Variants in SPOCK3 observed in about 807,000 individuals in gnomAD.
SPOCK3 encodes the protein testican-3.
A neutral mutation model predicts 56.6 loss-of-function variants in SPOCK3; 30 were observed. The ratio of observed to expected loss-of-function variants is 0.53; its 90% CI spans 0.40 to 0.72. SPOCK3 has a LOEUF of 0.72. Ranked by LOEUF, SPOCK3 falls within the 30% of genes least tolerant of loss-of-function variation. SPOCK3 has a pLI of 0.00. For synonymous variants in SPOCK3, 196 were observed against 183.3 expected (o/e 1.07, Z -0.56); for missense variants, 527 against 530.0 (o/e 0.99, Z 0.06).
At position 166,934,616 on chromosome 4, in the gene SPOCK3, A is replaced by G. The variant is rs565306283; in HGVS notation, c.351-21873T>C. ...TGATCTATATATGTGTTTACTTATAATAATCTATGTGATCTCTATATATGT... is the reference window on the plus strand; with the variant it reads ...TGATCTATATATGTGTTTACTTATAGTAATCTATGTGATCTCTATATATGT... On this transcript the variant is annotated intron_variant, in intron 4 of 10. Coordinates refer to ENST00000357545, the MANE Select transcript of SPOCK3 (RefSeq NM_001040159.2). Among the ~76,000 whole-genome samples the G allele has an allele frequency of 1.2e-3, 188 of 152,308 alleles. 2 individuals are homozygous for G. The highest frequency in any genetic ancestry group is 8.8e-4 in the Non-Finnish European group (60 of 68,026).
chr4:167,137,169 G>T (rs1317331983), intron 2 of SPOCK3, among the ~76,000 whole-genome samples: 1 of 151,918 alleles, frequency 6.6e-6, no homozygotes, highest in Non-Finnish European at 1.5e-5. Flanking sequence ...AGCAAATATG[G>T]ACTGAGCAGA....
chr4:166,781,182 G>A (rs890495496), intron 7 of SPOCK3, among the ~76,000 whole-genome samples: 6 of 152,044 alleles, frequency 3.9e-5, no homozygotes, highest in Non-Finnish European at 8.8e-5. Flanking sequence ...AAAGGAAGAA[G>A]AAAATAAACC....
chr4:167,191,415 C>T (rs1166240945), intron 2 of SPOCK3, among the ~76,000 whole-genome samples: 9 of 145,388 alleles, frequency 6.2e-5, no homozygotes, highest in Admixed American at 2.1e-4. Context: ...TTCCAATCTA[C>T]GAATATATCC....
intron 9 of SPOCK3, among the ~76,000 whole-genome samples, chr4:166,739,336 G>A (rs536308731): frequency 3.9e-5 from 6 of 152,180 alleles, no homozygotes; most frequent in African/African-American, 1.2e-4. Flanking sequence ...TGCCTCCCAG[G>A]TTCAAGTGAT....
intron 3 of SPOCK3, among the ~76,000 whole-genome samples, chr4:167,025,130 C>T (rs1375620391): frequency 6.6e-6 from 1 of 151,514 alleles, no homozygotes; most frequent in Non-Finnish European, 1.5e-5. Flanking sequence ...CTTCGTCCTT[C>T]TGGTCAAACT....
intron 6 of SPOCK3, among the ~76,000 whole-genome samples, chr4:166,856,673 C>T (rs1485625451): frequency 1.3e-5 from 2 of 151,954 alleles, no homozygotes; most frequent in Admixed American, 1.3e-4. Flanking sequence ...ACTCAGGGGG[C>T]TGAGGCAGGA....
At chr4:166,978,779 C>A (rs555659436) in intron 4 of SPOCK3, among the ~76,000 whole-genome samples, 1 of 151,916 alleles carries the variant, frequency 6.6e-6, no homozygotes, top group South Asian at 2.1e-4. Context: ...ATACAACACA[C>A]ACATATACAA....
intron 4 of SPOCK3, among the ~76,000 whole-genome samples, chr4:166,932,494 T>C (rs943422793): frequency 1.3e-5 from 2 of 152,172 alleles, no homozygotes; most frequent in African/African-American, 4.8e-5. Context: ...ATCTTTGATA[T>C]GAACCTTGTT....
intron 4 of SPOCK3, among the ~76,000 whole-genome samples, chr4:166,988,339 T>TAA (rs1424606979): frequency 2.0e-5 from 3 of 152,098 alleles, no homozygotes; most frequent in African/African-American, 7.2e-5. Context: ...ATGCTTTCTC[T>TAA]TTTCTCTGTG....
intron 2 of SPOCK3, among the ~76,000 whole-genome samples, chr4:167,082,090 A>AT (rs1207258065): frequency 6.6e-6 from 1 of 152,080 alleles, no homozygotes; most frequent in Non-Finnish European, 1.5e-5. Flanking sequence ...CTGAGTGATA[A>AT]TTTTCTTTAA....
intron 5 of SPOCK3, among the ~76,000 whole-genome samples, chr4:166,905,547 T>A (rs1736517647): frequency 6.6e-6 from 1 of 152,022 alleles, no homozygotes; most frequent in Admixed American, 6.6e-5. Flanking sequence ...AATCTATAGG[T>A]AACTTCATAC....
intron 2 of SPOCK3, among the ~76,000 whole-genome samples, chr4:167,106,940 C>T (rs369796661): frequency 6.6e-6 from 1 of 151,606 alleles, no homozygotes; most frequent in South Asian, 2.1e-4. Context: ...ATACAACCTA[C>T]CAAGATTGAA....
At chr4:167,035,734 T>C (rs953791870) in intron 3 of SPOCK3, among the ~76,000 whole-genome samples, 2 of 152,140 alleles carry the variant, frequency 1.3e-5, no homozygotes, top group African/African-American at 4.8e-5. Flanking sequence ...CCTATATCTA[T>C]CCTTATTTAG....
At chr4:167,215,128 C>T (rs10002479) in intron 2 of SPOCK3, among the ~76,000 whole-genome samples, 25,893 of 151,702 alleles carry the variant, frequency 0.17, 2,498 homozygotes, top group African/African-American at 0.26. Context: ...ATATGTGCTC[C>T]GTAACTACCA....
intron 4 of SPOCK3, among the ~76,000 whole-genome samples, chr4:166,975,150 G>A (rs1284511158): frequency 4.6e-5 from 7 of 152,174 alleles, no homozygotes; most frequent in Non-Finnish European, 7.4e-5. Flanking sequence ...GCTGCCTGAT[G>A]TTTGACTTCC....
intron 4 of SPOCK3, among the ~76,000 whole-genome samples, chr4:166,954,866 A>G (rs989599331): frequency 1.1e-4 from 17 of 152,162 alleles, no homozygotes; most frequent in African/African-American, 4.1e-4. Flanking sequence ...CTATCTCTGT[A>G]GATATGCCCT....
rs527840220 is a variant in SPOCK3, at chr4:166,784,741, TA to T, written c.709+7428del. On this transcript the variant is annotated intron_variant, in intron 7 of 10. Transcript: ENST00000357545. ...AGTGAGCAGTATCTTGGTAAGAAAT[TA>T]GAATGTATTCATTTACCCTGAAGGT... is the stretch of plus-strand genomic sequence containing the variant. 3.6e-3 allele frequency among the ~76,000 whole-genome samples: 552 copies of T among 152,212 alleles called. 3 individuals are homozygous for T. Among genetic ancestry groups the T allele is most frequent in the African/African-American group, 0.013 (520 of 41,570 alleles).
At chr4:166,808,623 T>C (rs1743433176) in intron 6 of SPOCK3, among the ~76,000 whole-genome samples, 1 of 152,126 alleles carries the variant, frequency 6.6e-6, no homozygotes, top group African/African-American at 2.4e-5. Flanking sequence ...ATCCAGCCTA[T>C]GGTATTTTAT....
chr4:167,052,386 A>G (rs1754318385), intron 3 of SPOCK3, among the ~76,000 whole-genome samples: 1 of 152,202 alleles, frequency 6.6e-6, no homozygotes, highest in South Asian at 2.1e-4. Context: ...AAGGTAGCCA[A>G]TATGGATGAT....
Sources: allele counts gnomAD v4.1 joint callset (sites outside exome capture counted in the v4.1 genomes callset), GRCh38; gene constraint gnomAD v4.1.1; transcripts MANE v1.5; gene names NCBI Gene and HGNC (gene_info 2026-07-23, HGNC 2026-07-21).